Variants in SH3D19 observed in about 807,000 individuals in gnomAD.
SH3D19 encodes the protein SH3 domain containing 19, also known as SH3 domain-containing protein 19.
Under a neutral mutation model 112.1 loss-of-function variants are expected in SH3D19, and 58 were observed. That is an observed-to-expected ratio of 0.52 (90% CI 0.42 to 0.64). The LOEUF (loss-of-function observed/expected upper bound fraction) is 0.64, where lower values mean the gene tolerates loss of function less well. Among genes scored for constraint, SH3D19 ranks in the 30% least tolerant of loss-of-function variants. The pLI is 0.00. For synonymous variants in SH3D19, 391 were observed against 448.5 expected (o/e 0.87, Z 1.62); for missense variants, 1,090 against 1,263.4 (o/e 0.86, Z 2.08).
chr4:151,228,073 G>T, intron 1 of SH3D19: 1 of 981,130 alleles, frequency 1.0e-6, no homozygotes, highest in African/African-American at 1.7e-5. Context: ...AAATTCTACA[G>T]TCATTTTTAT....
intron 9 of SH3D19, among the ~76,000 whole-genome samples, chr4:151,150,356 T>C (rs1754833392): frequency 1.4e-5 from 2 of 146,770 alleles, no homozygotes; most frequent in South Asian, 4.2e-4. Context: ...TATATATATA[T>C]ACATGCTCTT....
At chr4:151,262,286 A>G (rs1772434438) in intron 1 of SH3D19, 1 of 152,230 alleles carries the variant, frequency 6.6e-6, no homozygotes. Context: ...CTTTTTAATT[A>G]AGACAGCTTT....
rs1769868657 is a variant in SH3D19 at position 151,234,647 on chromosome 4, A to C, written c.113-8561T>G. On this transcript the variant is annotated intron_variant, in intron 1 of 19. Transcript: ENST00000604030. ...TTAAGGAGGTATAAAAAGACCTTTTAGTTCCCTGACTATCAAATGCAAAAT... is the reference window on the plus strand; with the variant it reads ...TTAAGGAGGTATAAAAAGACCTTTTCGTTCCCTGACTATCAAATGCAAAAT... Among the ~76,000 whole-genome samples the C allele has an allele frequency of 2.7e-5, 4 of 150,550 alleles. No individual in the cohort carries two copies. The South Asian group carries it at 8.4e-4, about 32-fold the overall frequency.
chr4:151,212,107 T>C (rs781052770), intron 2 of SH3D19, among the ~76,000 whole-genome samples: 9 of 152,250 alleles, frequency 5.9e-5, no homozygotes, highest in Non-Finnish European at 7.3e-5. Flanking sequence ...TAGAGGCTAA[T>C]GCAGCTGATG....
At chr4:151,281,625 G>C (rs1383559996) in intron 1 of SH3D19, among the ~76,000 whole-genome samples, 1 of 152,132 alleles carries the variant, frequency 6.6e-6, no homozygotes, top group South Asian at 2.1e-4. Flanking sequence ...GAAAGTCATT[G>C]CCTCTAAATA....
rs527375804 is a variant in SH3D19 at position 151,154,120 on chromosome 4, C to A, written c.1756-4559G>T. Among the ~76,000 whole-genome samples the A allele has an allele frequency of 4.0e-5, 6 of 149,732 alleles. 1 individual carries two copies. The highest frequency in any genetic ancestry group is 1.3e-4 in the Admixed American group (2 of 15,152). ...GGGATTATAGGCGCATGACACCACA[C>A]CCGGCTGATTTTTTTTTTTTTTTTT... On this transcript the variant is annotated intron_variant, in intron 9 of 19. Transcript: ENST00000604030.
intron 1 of SH3D19, among the ~76,000 whole-genome samples, chr4:151,275,071 C>T (rs1773482777): frequency 6.6e-6 from 1 of 150,524 alleles, no homozygotes; most frequent in South Asian, 2.1e-4. Context: ...TATGGAAGTG[C>T]GGTTAGGACT....
chr4:151,231,082 G>T (rs995696891), intron 1 of SH3D19, among the ~76,000 whole-genome samples: 11 of 151,712 alleles, frequency 7.3e-5, no homozygotes, highest in African/African-American at 2.4e-4. Flanking sequence ...GGTTCCTTGG[G>T]GCTGAAAACA....
intron 1 of SH3D19, among the ~76,000 whole-genome samples, chr4:151,312,166 T>C (rs1033754800): frequency 1.3e-5 from 2 of 152,290 alleles, no homozygotes; most frequent in African/African-American, 4.8e-5. Flanking sequence ...TATATTCAAT[T>C]TTCATTAGTG....
intron 1 of SH3D19, among the ~76,000 whole-genome samples, chr4:151,237,294 G>A (rs1305931723): frequency 6.6e-6 from 1 of 152,170 alleles, no homozygotes; most frequent in Non-Finnish European, 1.5e-5. Context: ...AACCTTTTAA[G>A]ATCTTTTAAG....
At chr4:151,309,133 T>C (rs889514558) in intron 1 of SH3D19, among the ~76,000 whole-genome samples, 2 of 152,268 alleles carry the variant, frequency 1.3e-5, no homozygotes, top group African/African-American at 4.8e-5. Context: ...TGTCCCAAAG[T>C]ACTGGGATAA....
At chr4:151,288,732 C>A (rs924688769) in intron 1 of SH3D19, among the ~76,000 whole-genome samples, 1 of 151,290 alleles carries the variant, frequency 6.6e-6, no homozygotes, top group Admixed American at 6.6e-5. Context: ...AATGAATAAT[C>A]TAAGGAAACA....
At chr4:151,319,862 G>A (rs931409707) in intron 1 of SH3D19, among the ~76,000 whole-genome samples, 9 of 152,098 alleles carry the variant, frequency 5.9e-5, no homozygotes, top group Non-Finnish European at 8.8e-5. Context: ...TAAATGCGTG[G>A]AGCATCAATA....
chr4:151,314,660 G>C (rs1474481913), intron 1 of SH3D19, among the ~76,000 whole-genome samples: 7 of 152,230 alleles, frequency 4.6e-5, no homozygotes, highest in Non-Finnish European at 1.0e-4. Context: ...GCTGCCAGCT[G>C]AGGCCTATGA....
rs908233032 is a variant in SH3D19, at chr4:151,241,153, G to A, written c.113-15067C>T. Among the ~76,000 whole-genome samples, 10 of 151,778 alleles carry A rather than the reference G, an allele frequency of 6.6e-5. No individual in the cohort carries two copies. In the East Asian group the frequency reaches 7.8e-4, roughly 12 times the overall value. On this transcript the variant is annotated intron_variant, in intron 1 of 19. Coordinates refer to ENST00000604030, the MANE Select transcript of SH3D19 (RefSeq NM_001378122.1). ...AAAAAAATTAAAAAACTAGCCAGCCGTGGTGGCACATGCCTGTAGTCCCAG... is the reference window on the plus strand; with the variant it reads ...AAAAAAATTAAAAAACTAGCCAGCCATGGTGGCACATGCCTGTAGTCCCAG...
intron 11 of SH3D19, among the ~76,000 whole-genome samples, chr4:151,145,476 C>T (rs1245057564): frequency 1.3e-5 from 2 of 152,190 alleles, no homozygotes; most frequent in Non-Finnish European, 2.9e-5. Flanking sequence ...GACCCCCGCC[C>T]CTGCCCGCAA....
In SH3D19 at chr4:151,278,822, G is replaced by A. The variant is rs551624835; in HGVS notation, c.112+46419C>T. ...ATTTCTTTATATTTTTTGTAGAGAC[G>A]GTGTTTGGCCATGTTGCCCAGGCTG... is the stretch of plus-strand genomic sequence containing the variant. On this transcript the variant is annotated intron_variant, in intron 1 of 19. Transcript: ENST00000604030. Among the ~76,000 whole-genome samples the A allele has an allele frequency of 2.6e-5, 4 of 152,162 alleles. No homozygotes were observed. In the East Asian group the frequency reaches 5.8e-4, roughly 22 times the overall value.
intron 8 of SH3D19, among the ~76,000 whole-genome samples, chr4:151,161,030 C>A (rs1444812724): frequency 6.6e-6 from 1 of 152,010 alleles, no homozygotes; most frequent in Admixed American, 6.6e-5. Flanking sequence ...AGAGTATAAG[C>A]CAGTAATATG....
At chr4:151,206,405 G>A (rs767512651) in intron 2 of SH3D19, among the ~76,000 whole-genome samples, 2 of 152,124 alleles carry the variant, frequency 1.3e-5, no homozygotes, top group African/African-American at 2.4e-5. Flanking sequence ...TAGATCTGAT[G>A]TCAGTGTTCA....
Sources: allele counts gnomAD v4.1 joint callset (sites outside exome capture counted in the v4.1 genomes callset), GRCh38; gene constraint gnomAD v4.1.1; transcripts MANE v1.5; gene names NCBI Gene and HGNC (gene_info 2026-07-23, HGNC 2026-07-21).